ARL15: variants seen among roughly 807,000 people sequenced by gnomAD.
The protein encoded by ARL15 is ADP-ribosylation factor-like protein 15.
Under a neutral mutation model 25.2 loss-of-function variants are expected in ARL15, and 19 were observed. The observed-to-expected ratio is 0.75, with a 90% confidence interval of 0.53 to 1.10. ARL15 has a LOEUF of 1.10. ARL15 is among the 50% of genes least tolerant of loss of function. The pLI is 0.00. For synonymous variants in ARL15, 94 were observed against 86.8 expected (o/e 1.08, Z -0.46); for missense variants, 220 against 246.0 (o/e 0.89, Z 0.71).
intron 1 of ARL15, among the ~76,000 whole-genome samples, chr5:54,243,771 T>C (rs11742437): frequency 0.41 from 62,194 of 152,174 alleles, 16,372 homozygotes; most frequent in Non-Finnish European, 0.58. Context: ...ATCAAAAACA[T>C]GTGGCCCATT....
At chr5:54,192,485 G>A (rs367824643) in intron 1 of ARL15, among the ~76,000 whole-genome samples, 5 of 152,030 alleles carry the variant, frequency 3.3e-5, no homozygotes, top group African/African-American at 1.2e-4. Context: ...TCATTGGACA[G>A]AGGTTGATGG....
Position 54,204,677 on chromosome 5 carries a change from T to C in ARL15, c.49-32749A>G, listed in dbSNP as rs183849111. Among the ~76,000 whole-genome samples, 86 of 152,318 alleles carry C rather than the reference T, an allele frequency of 5.6e-4. 1 individual carries two copies. The highest frequency in any genetic ancestry group is 2.1e-3 in the African/African-American group (86 of 41,570). On this transcript the variant is annotated intron_variant, in intron 1 of 4. Coordinates refer to ENST00000504924, the MANE Select transcript of ARL15 (RefSeq NM_019087.3). ...TTTTCTCAACCTCTTTACATTTCAGTGCAGATGAATAAGATTTTAAAACGT... is the reference window on the plus strand; with the variant it reads ...TTTTCTCAACCTCTTTACATTTCAGCGCAGATGAATAAGATTTTAAAACGT...
chr5:54,280,049 C>T (rs983458071), intron 1 of ARL15, among the ~76,000 whole-genome samples: 1 of 152,236 alleles, frequency 6.6e-6, no homozygotes, highest in Non-Finnish European at 1.5e-5. Flanking sequence ...CAGTGCGAAA[C>T]TCCAGCAACA....
chr5:53,972,901 T>G (rs1747798494), intron 4 of ARL15, among the ~76,000 whole-genome samples: 1 of 152,180 alleles, frequency 6.6e-6, no homozygotes, highest in African/African-American at 2.4e-5. Context: ...ATTTCAAGTT[T>G]AATACTAGCA....
intron 1 of ARL15, among the ~76,000 whole-genome samples, chr5:54,210,349 A>G (rs1281645879): frequency 6.6e-6 from 1 of 152,164 alleles, no homozygotes; most frequent in Admixed American, 6.5e-5. Flanking sequence ...CCTATTATCT[A>G]TTTTATTTTA....
intron 4 of ARL15, among the ~76,000 whole-genome samples, chr5:54,030,718 T>C (rs770069759): frequency 2.6e-5 from 4 of 151,760 alleles, no homozygotes; most frequent in Non-Finnish European, 4.4e-5. Flanking sequence ...AACTCTTGAG[T>C]TGGGTTTGAT....
chr5:54,249,043 A>G (rs777134164), intron 1 of ARL15, among the ~76,000 whole-genome samples: 3 of 152,186 alleles, frequency 2.0e-5, no homozygotes, highest in Non-Finnish European at 4.4e-5. Flanking sequence ...TCTCTAAAAA[A>G]AATAATAAAA....
At chr5:53,965,855 G>A (rs1747542912) in intron 4 of ARL15, among the ~76,000 whole-genome samples, 1 of 152,040 alleles carries the variant, frequency 6.6e-6, no homozygotes, top group Non-Finnish European at 1.5e-5. Flanking sequence ...CTACCCAGTT[G>A]GATAAAAATG....
intron 1 of ARL15, among the ~76,000 whole-genome samples, chr5:54,210,444 G>A (rs752585932): frequency 2.0e-5 from 3 of 152,024 alleles, no homozygotes; most frequent in Admixed American, 6.5e-5. Flanking sequence ...CACTCATTAC[G>A]TTATTTCAAC....
chr5:54,185,826 G>C (rs376713992), intron 1 of ARL15, among the ~76,000 whole-genome samples: 97 of 152,236 alleles, frequency 6.4e-4, no homozygotes, highest in African/African-American at 2.3e-3. Flanking sequence ...TTATTTTTAT[G>C]ACCACACATC....
chr5:54,066,083 C>A (rs1008925540), intron 4 of ARL15, among the ~76,000 whole-genome samples: 2 of 152,130 alleles, frequency 1.3e-5, no homozygotes, highest in African/African-American at 4.8e-5. Flanking sequence ...TATTTTCTCT[C>A]CTTTTATAAG....
At chr5:54,192,064 C>T (rs1050815593) in intron 1 of ARL15, among the ~76,000 whole-genome samples, 7 of 152,154 alleles carry the variant, frequency 4.6e-5, no homozygotes, top group Non-Finnish European at 1.0e-4. Context: ...CAGTTCCTGG[C>T]CCACGCTTGG....
At chr5:54,010,965 A>G (rs1580167786) in intron 4 of ARL15, among the ~76,000 whole-genome samples, 1 of 149,228 alleles carries the variant, frequency 6.7e-6, no homozygotes, top group Non-Finnish European at 1.5e-5. Flanking sequence ...GCGCCACTGC[A>G]CTCCAGCCCG....
At position 54,144,158 on chromosome 5, in the gene ARL15, C is replaced by T. The variant is rs1004231557; in HGVS notation, c.253+10422G>A. The stretch of plus-strand genomic sequence containing the variant: ...TAATATTTCTAAGTATGGTTATTTT[C>T]TTATTAATTATATTTGGAATTGAGA... On this transcript the variant is annotated intron_variant, in intron 3 of 4. Transcript: ENST00000504924. Among the ~76,000 whole-genome samples the T allele has an allele frequency of 4.6e-5, 7 of 151,766 alleles. No individual in the cohort carries two copies. In the East Asian group the frequency reaches 1.2e-3, roughly 25 times the overall value.
chr5:54,163,124 T>C (rs2112374172), intron 2 of ARL15, among the ~76,000 whole-genome samples: 1 of 152,246 alleles, frequency 6.6e-6, no homozygotes, highest in Non-Finnish European at 1.5e-5. Flanking sequence ...GCTGAGTTTT[T>C]TTTGTTTTTG....
intron 1 of ARL15, among the ~76,000 whole-genome samples, chr5:54,275,426 G>C (rs996869165): frequency 6.6e-6 from 1 of 152,112 alleles, no homozygotes; most frequent in Non-Finnish European, 1.5e-5. Flanking sequence ...CTGGCAACTG[G>C]GATGTGAGGG....
rs764897274 is a variant in ARL15 at position 53,928,165 on chromosome 5, T to C, written c.463-41452A>G. 2.8e-4 allele frequency among the ~76,000 whole-genome samples: 42 copies of C among 152,152 alleles called. 1 individual carries two copies. Among genetic ancestry groups the C allele is most frequent in the Admixed American group, 2.0e-4 (3 of 15,270 alleles). Reference sequence around the variant, plus strand: ...ACAGGATTTGAGATGGACTTTTGATTAGAGTTAAGATTCGGATAGCTGACT... The same window carrying C: ...ACAGGATTTGAGATGGACTTTTGATCAGAGTTAAGATTCGGATAGCTGACT... On this transcript the variant is annotated intron_variant, in intron 4 of 4. Coordinates refer to ENST00000504924, the MANE Select transcript of ARL15 (RefSeq NM_019087.3).
chr5:53,978,800 T>C (rs1242219464), intron 4 of ARL15, among the ~76,000 whole-genome samples: 1 of 152,040 alleles, frequency 6.6e-6, no homozygotes, highest in East Asian at 1.9e-4. Context: ...AAAAGGCCAC[T>C]TAAATAGTGG....
At chr5:54,064,082 C>T (rs1412263569) in intron 4 of ARL15, among the ~76,000 whole-genome samples, 1 of 152,182 alleles carries the variant, frequency 6.6e-6, no homozygotes, top group Non-Finnish European at 1.5e-5. Flanking sequence ...ATTTCTTTCT[C>T]TGATTTTCTT....
Sources: allele counts gnomAD v4.1 joint callset (sites outside exome capture counted in the v4.1 genomes callset), GRCh38; gene constraint gnomAD v4.1.1; transcripts MANE v1.5; gene names NCBI Gene and HGNC (gene_info 2026-07-23, HGNC 2026-07-21).